Variants in GABPB2 observed in about 807,000 individuals in gnomAD.
The protein encoded by GABPB2 is GA binding protein transcription factor subunit beta 2.
Under a neutral mutation model 39.1 loss-of-function variants are expected in GABPB2, and 23 were observed. That is an observed-to-expected ratio of 0.59 (90% CI 0.42 to 0.83). The LOEUF is 0.83. Ranked by LOEUF, GABPB2 falls within the 40% of genes least tolerant of loss-of-function variation. The pLI, the probability that GABPB2 is intolerant of heterozygous loss-of-function variation, is 0.00. For synonymous variants in GABPB2, 184 were observed against 199.3 expected (o/e 0.92, Z 0.65); for missense variants, 467 against 541.1 (o/e 0.86, Z 1.36).
chr1:151,076,203 G>A (rs970805689), intron 1 of GABPB2, among the ~76,000 whole-genome samples: 1 of 152,158 alleles, frequency 6.6e-6, no homozygotes, highest in Non-Finnish European at 1.5e-5. Context: ...AATTAAATAA[G>A]AAGGTTTTCC....
At chr1:151,071,438 CTCTG>C (rs1676705184) in intron 1 of GABPB2, among the ~76,000 whole-genome samples, 1 of 122,076 alleles carries the variant, frequency 8.2e-6, no homozygotes. Flanking sequence ...CGGGCCCCGC[CTCTG>C]CTTTTTTGCT....
At position 151,090,532 on chromosome 1, in the gene GABPB2, G is replaced by A. The variant is rs1332872575; in HGVS notation, c.235G>A (p.Ala79Thr). ...KVDRTPLHMA[A>T]ADGHAHIVEL... ...AGACAGGACCCCCTTGCACATGGCT[G>A]CAGCCGATGGACATGCGCACATCGT... is the stretch of plus-strand genomic sequence containing the variant. The change falls in exon 3 of 9, where the codon GCA becomes ACA. Residue 79 changes from alanine to threonine, a missense_variant. Coordinates refer to ENST00000368918, the MANE Select transcript of GABPB2 (RefSeq NM_144618.3). The A allele has an allele frequency of 6.2e-7, 1 of 1,614,088 alleles. No individual in the cohort carries two copies. Among genetic ancestry groups the A allele is most frequent in the Non-Finnish European group, 8.5e-7 (1 of 1,180,000 alleles).
chr1:151,090,014 T>G (rs11810510), intron 2 of GABPB2, among the ~76,000 whole-genome samples: 16,438 of 151,768 alleles, frequency 0.11, 1,039 homozygotes, highest in Non-Finnish European at 0.14. Flanking sequence ...CTCAGCTCAC[T>G]GCAACCTCTG....
intron 7 of GABPB2, among the ~76,000 whole-genome samples, chr1:151,109,372 T>TTTTC (rs1571976716): frequency 2.0e-5 from 2 of 100,336 alleles, no homozygotes; most frequent in East Asian, 4.8e-4. Context: ...ATATTTTTTT[T>TTTTC]TTTGAGTCAG....
chr1:151,080,742 G>A (rs1369008454), intron 1 of GABPB2, among the ~76,000 whole-genome samples: 1 of 149,716 alleles, frequency 6.7e-6, no homozygotes, highest in African/African-American at 2.4e-5. Flanking sequence ...CCAGCTACTC[G>A]GGAGACTGAA....
At chr1:151,098,815 G>A (rs1679298938) in intron 5 of GABPB2, among the ~76,000 whole-genome samples, 1 of 152,170 alleles carries the variant, frequency 6.6e-6, no homozygotes, top group African/African-American at 2.4e-5. Context: ...TTGGCGCGGT[G>A]CCTCACGCCT....
At chr1:151,077,852 T>C (rs907584772) in intron 1 of GABPB2, among the ~76,000 whole-genome samples, 1 of 151,824 alleles carries the variant, frequency 6.6e-6, no homozygotes, top group African/African-American at 2.4e-5. Context: ...TTCAGAAGGC[T>C]GAGACAGGAG....
chr1:151,107,673 C>T (rs1195787797), intron 7 of GABPB2, among the ~76,000 whole-genome samples: 2 of 152,016 alleles, frequency 1.3e-5, no homozygotes, highest in Admixed American at 6.6e-5. Context: ...AGGCGGCTCA[C>T]GGCTGTAATC....
Position 151,119,013 on chromosome 1 carries a change from G to A in GABPB2, c.*757G>A, listed in dbSNP as rs1438747214. 6.6e-6 allele frequency: 1 copy of A among 152,140 alleles called. No homozygotes were observed. The highest frequency in any genetic ancestry group is 1.5e-5 in the Non-Finnish European group (1 of 68,030). 9.4% of individuals were successfully genotyped at this position (152,140 alleles called of 1,614,324 possible). A position where few individuals can be genotyped will look rare whatever the true frequency, so the allele number is the denominator to read the frequency against. On this transcript the variant is annotated 3_prime_UTR_variant, in exon 9 of 9. Transcript: ENST00000368918. ...ATGTGTCTATAGTTCAGATGCTTGTGTAAGAAACTGAAATAAGCTGCGTGT... is the reference window on the plus strand; with the variant it reads ...ATGTGTCTATAGTTCAGATGCTTGTATAAGAAACTGAAATAAGCTGCGTGT...
At position 151,093,182 on chromosome 1, in the gene GABPB2, T is replaced by G; in HGVS notation, c.277-10T>G. The G allele has an allele frequency of 6.5e-7, 1 of 1,538,026 alleles. No homozygotes were observed. The highest frequency in any genetic ancestry group is 8.8e-7 in the Non-Finnish European group (1 of 1,141,142). On this transcript the variant is annotated splice_polypyrimidine_tract_variant and intron_variant, in intron 3 of 8. Coordinates refer to ENST00000368918, the MANE Select transcript of GABPB2 (RefSeq NM_144618.3). The stretch of plus-strand genomic sequence containing the variant: ...CGCTGTTTGTTGAAAAAAATGCTTT[T>G]CTGTGACAGAATGGTGCAGATGTGA...
chr1:151,077,699 T>C (rs1677296906), intron 1 of GABPB2, among the ~76,000 whole-genome samples: 1 of 150,158 alleles, frequency 6.7e-6, no homozygotes, highest in African/African-American at 2.4e-5. Context: ...ACGCCTGTAA[T>C]CCCAGCACTT....
chr1:151,071,215 A>G (rs587646665), intron 1 of GABPB2, among the ~76,000 whole-genome samples: 1 of 152,210 alleles, frequency 6.6e-6, no homozygotes, highest in South Asian at 2.1e-4. Flanking sequence ...CGCGGAGGTG[A>G]CCACTAGGGG....
intron 7 of GABPB2, among the ~76,000 whole-genome samples, chr1:151,112,989 G>C (rs1055012289): frequency 6.6e-6 from 1 of 151,516 alleles, no homozygotes. Context: ...ATGTTGGCCA[G>C]GATGGTCTTG....
At chr1:151,096,532 G>C (rs1679113010) in intron 4 of GABPB2, among the ~76,000 whole-genome samples, 1 of 151,988 alleles carries the variant, frequency 6.6e-6, no homozygotes, top group African/African-American at 2.4e-5. Flanking sequence ...TTAGTCCCTT[G>C]AACTTTCAAT....
intron 7 of GABPB2, among the ~76,000 whole-genome samples, chr1:151,112,950 T>C (rs587674542): frequency 4.6e-5 from 7 of 151,832 alleles, no homozygotes; most frequent in Non-Finnish European, 1.0e-4. Flanking sequence ...TTTTTTTTTT[T>C]TGTATTTTAG....
At chr1:151,115,136 G>A (rs1310837702) in intron 7 of GABPB2, among the ~76,000 whole-genome samples, 2 of 152,036 alleles carry the variant, frequency 1.3e-5, no homozygotes, top group Middle Eastern at 3.2e-3. Flanking sequence ...AAACTTGGGC[G>A]GATCACCTGA....
At chr1:151,113,399 G>A (rs979780211) in intron 7 of GABPB2, among the ~76,000 whole-genome samples, 6 of 151,298 alleles carry the variant, frequency 4.0e-5, no homozygotes. Context: ...AACCCCGGAG[G>A]CGGAGCTTGC....
At chr1:151,072,452 G>A (rs752478825) in intron 1 of GABPB2, among the ~76,000 whole-genome samples, 14 of 152,176 alleles carry the variant, frequency 9.2e-5, no homozygotes, top group Non-Finnish European at 2.1e-4. Flanking sequence ...AGCTACTCGG[G>A]AAACTGAGGT....
chr1:151,076,494 A>G (rs61819198), intron 1 of GABPB2, among the ~76,000 whole-genome samples: 3,298 of 152,188 alleles, frequency 0.022, 52 homozygotes, highest in Admixed American at 0.042. Flanking sequence ...CAGTGGCACA[A>G]TCTTGGTTCA....
Sources: allele counts gnomAD v4.1 joint callset (sites outside exome capture counted in the v4.1 genomes callset), GRCh38; gene constraint gnomAD v4.1.1; transcripts MANE v1.5; gene names NCBI Gene and HGNC (gene_info 2026-07-23, HGNC 2026-07-21).